The following CEP350 variants were observed in gnomAD, a reference collection of about 807,000 sequenced individuals.
The protein encoded by CEP350 is centrosome-associated protein 350.
CEP350 carries 126 observed loss-of-function variants against 331.8 expected under a neutral mutation model. The ratio of observed to expected loss-of-function variants is 0.38; its 90% CI spans 0.33 to 0.44. The LOEUF is 0.44. CEP350 is among the 20% of genes least tolerant of loss of function. The pLI is 1.00. For synonymous variants in CEP350, 1,200 were observed against 1,259.5 expected (o/e 0.95, Z 1.00); for missense variants, 3,406 against 3,634.6 (o/e 0.94, Z 1.62).
Position 180,011,926 on chromosome 1 carries a change from T to A in CEP350, c.1247-3T>A. ...TTAATTTCAGTGCCATGTATTTTTT[T>A]AGGTAGTAGTCATCTTATAAGTACA... On this transcript the variant is annotated splice_polypyrimidine_tract_variant and splice_region_variant and intron_variant, in intron 8 of 37. Coordinates refer to ENST00000367607, the MANE Select transcript of CEP350 (RefSeq NM_014810.5). 1 of 1,578,496 alleles carries A rather than the reference T, an allele frequency of 6.3e-7. No homozygotes were observed. The highest frequency in any genetic ancestry group is 8.6e-7 in the Non-Finnish European group (1 of 1,163,974).
At chr1:180,030,025 G>A (rs796136470) in intron 14 of CEP350, among the ~76,000 whole-genome samples, 4 of 151,982 alleles carry the variant, frequency 2.6e-5, no homozygotes, top group East Asian at 1.9e-4. Context: ...TAATATTCCC[G>A]TGTATGTATA....
rs942247142 is a variant in CEP350, at chr1:180,065,226, A to G, written c.5521A>G (p.Ser1841Gly). 6.2e-7 allele frequency: 1 copy of G among 1,613,026 alleles called. No homozygotes were observed. Among genetic ancestry groups the G allele is most frequent in the Non-Finnish European group, 8.5e-7 (1 of 1,179,708 alleles). ...PISISSSETSSIMQKLKKMRS... is the reference protein window; with the variant it reads ...PISISSSETSGIMQKLKKMRS... ...TTCAATCTCCAGCAGTGAAACTAGCAGCATTATGCAGAAACTGAAGAAAAT... is the reference window on the plus strand; with the variant it reads ...TTCAATCTCCAGCAGTGAAACTAGCGGCATTATGCAGAAACTGAAGAAAAT... Residue 1841 changes from serine (S) to glycine (G), a missense_variant, in exon 27 of 38, where the codon AGC (serine) becomes GGC (glycine). By Grantham distance (56) the Ser-to-Gly change is moderately conservative (BLOSUM62 0). Coordinates refer to ENST00000367607, the MANE Select transcript of CEP350 (RefSeq NM_014810.5).
chr1:180,019,172 C>A (rs949359686), intron 11 of CEP350, among the ~76,000 whole-genome samples: 2 of 152,160 alleles, frequency 1.3e-5, no homozygotes, highest in African/African-American at 4.8e-5. Flanking sequence ...CTCTAAGGGT[C>A]TTCTTAATAG....
chr1:180,103,833 CCT>C (rs2149178773), intron 37 of CEP350, among the ~76,000 whole-genome samples: 1 of 151,568 alleles, frequency 6.6e-6, no homozygotes, highest in Non-Finnish European at 1.5e-5. Context: ...AGCGCTTGCC[CCT>C]CTTTTAAATC....
rs770598058 is a variant in CEP350 at position 180,094,446 on chromosome 1, A to T, written c.8341A>T (p.Ile2781Phe). ...QQIKKTRDEKIQLSNQELLGD... is the reference protein window; with the variant it reads ...QQIKKTRDEKFQLSNQELLGD... Reference sequence around the variant, plus strand: ...AATCAAAAAAACCAGGGATGAGAAAATCCAGCTTAGCAATCAGGAGCTTCT... The same window carrying T: ...AATCAAAAAAACCAGGGATGAGAAATTCCAGCTTAGCAATCAGGAGCTTCT... The change falls in exon 34 of 38, where the codon ATC becomes TTC. Residue 2781 changes from isoleucine to phenylalanine, a missense_variant. By Grantham distance (21) the Ile-to-Phe change is conservative (BLOSUM62 0). Around this residue, in one of 5 missense-constraint regions of CEP350, gnomAD observed 1,415 missense variants for 1,512.3 expected, o/e 0.94. Transcript: ENST00000367607. 31 of 1,613,746 alleles carry T rather than the reference A, an allele frequency of 1.9e-5. No homozygotes were observed. The highest frequency in any genetic ancestry group is 2.5e-5 in the Non-Finnish European group (30 of 1,179,828).
intron 1 of CEP350, among the ~76,000 whole-genome samples, chr1:179,972,086 T>G (rs570754335): frequency 2.0e-5 from 3 of 152,320 alleles, no homozygotes; most frequent in East Asian, 3.9e-4. Context: ...CCTCGTTTGT[T>G]TTTTGTGCGA....
rs749821735 is a variant in CEP350, at chr1:180,078,577, T to C, written c.5882T>C (p.Ile1961Thr). The stretch of plus-strand genomic sequence containing the variant: ...GTTGAATATGTACCATCCGAGTCTA[T>C]AGGACAGGAGCAGCCAGGGAGTCCA... ...PAVEYVPSES[I>T]GQEQPGSPDH... The change falls in exon 29 of 38, where the codon ATA becomes ACA. Residue 1961 changes from isoleucine (I) to threonine (T), a missense_variant. Transcript: ENST00000367607. 4 of 1,613,600 alleles carry C rather than the reference T, an allele frequency of 2.5e-6. No homozygotes were observed. The highest frequency in any genetic ancestry group is 2.2e-5 in the South Asian group (2 of 90,976).
chr1:180,103,931 A>C (rs888172825), intron 37 of CEP350, among the ~76,000 whole-genome samples: 10 of 147,662 alleles, frequency 6.8e-5, no homozygotes, highest in African/African-American at 2.5e-4. Flanking sequence ...TTTATATACA[A>C]ATATATGTTT....
chr1:180,024,735 T>C (rs1040305007), intron 14 of CEP350, among the ~76,000 whole-genome samples, 153 bp downstream of exon 14: 1 of 152,140 alleles, frequency 6.6e-6, no homozygotes. Context: ...TAATACCTTT[T>C]GATATATAAC....
intron 27 of CEP350, chr1:180,074,056 C>A: frequency 1.5e-6 from 1 of 653,682 alleles, no homozygotes; most frequent in Non-Finnish European, 2.2e-6. Flanking sequence ...CCTTTTGTTT[C>A]CACATTAATT....
Position 180,053,744 on chromosome 1 carries a change from C to T in CEP350, c.4990-6C>T. ...TGATAAACAAGAAAGAAACCATCTA[C>T]TTTAGGAACTGAACATGCCATTCTC... On this transcript the variant is annotated splice_polypyrimidine_tract_variant and splice_region_variant and intron_variant, in intron 23 of 37. Transcript: ENST00000367607. 3 of 1,531,952 alleles carry T rather than the reference C, an allele frequency of 2.0e-6. No homozygotes were observed. The highest frequency in any genetic ancestry group is 2.7e-6 in the Non-Finnish European group (3 of 1,126,582). The allele number at this position is 1,531,952 out of a possible 1,614,324, so 94.9% of individuals were successfully genotyped here.
intron 24 of CEP350, 77 bp downstream of exon 24, chr1:180,054,011 T>C (rs1456216641): frequency 8.5e-7 from 1 of 1,174,056 alleles, no homozygotes; most frequent in East Asian, 2.5e-5. Flanking sequence ...ATTTTTTTGT[T>C]TCCTCATTTC....
At chr1:180,059,322 T>C (rs1658056497) in intron 25 of CEP350, among the ~76,000 whole-genome samples, 1 of 152,202 alleles carries the variant, frequency 6.6e-6, no homozygotes, top group Non-Finnish European at 1.5e-5. Flanking sequence ...TTGTACTAAA[T>C]AGTAGAAAAC....
chr1:180,066,935 A>C (rs1658580508), intron 27 of CEP350, among the ~76,000 whole-genome samples: 1 of 152,194 alleles, frequency 6.6e-6, no homozygotes, highest in Non-Finnish European at 1.5e-5. Context: ...ACACAGTGTC[A>C]GGGTGATTTC....
chr1:180,054,986 A>G (rs1657727111), intron 25 of CEP350, among the ~76,000 whole-genome samples: 3 of 152,200 alleles, frequency 2.0e-5, no homozygotes, highest in African/African-American at 7.2e-5. Flanking sequence ...TAGATTTCCT[A>G]GGCTAAAATC....
chr1:179,957,275 A>T (rs764165563), intron 1 of CEP350, among the ~76,000 whole-genome samples: 7 of 152,298 alleles, frequency 4.6e-5, no homozygotes, highest in Middle Eastern at 3.4e-3. Context: ...TATTGTTGAG[A>T]CAACTGATGA....
chr1:179,962,452 C>A (rs1236366695), intron 1 of CEP350, among the ~76,000 whole-genome samples: 1 of 152,118 alleles, frequency 6.6e-6, no homozygotes, highest in Non-Finnish European at 1.5e-5. Flanking sequence ...CTCTGTTGCT[C>A]ACGCTGGAGC....
intron 7 of CEP350, among the ~76,000 whole-genome samples, chr1:180,005,481 C>T (rs913991379): frequency 1.3e-5 from 2 of 151,984 alleles, no homozygotes; most frequent in Admixed American, 6.6e-5. Context: ...CTTCCATTAC[C>T]ACCACCTAGA....
At chr1:180,109,534 A>G (rs946170733) in intron 37 of CEP350, among the ~76,000 whole-genome samples, 1 of 152,098 alleles carries the variant, frequency 6.6e-6, no homozygotes, top group Non-Finnish European at 1.5e-5. Flanking sequence ...ACTGCAATTA[A>G]CTTTGCTGAA....
Sources: allele counts gnomAD v4.1 joint callset (sites outside exome capture counted in the v4.1 genomes callset), GRCh38; gene constraint gnomAD v4.1.1; regional missense constraint gnomAD v4.1.1; transcripts MANE v1.5; gene names NCBI Gene and HGNC (gene_info 2026-07-23, HGNC 2026-07-21).